Variants in THEM6 observed in about 807,000 individuals in gnomAD.
THEM6 encodes thioesterase superfamily member 6.
A neutral mutation model predicts 13.7 loss-of-function variants in THEM6; 10 were observed. The ratio of observed to expected loss-of-function variants is 0.73; its 90% confidence interval spans 0.45 to 1.24. The LOEUF (loss-of-function observed/expected upper bound fraction) is 1.24. Ranked by LOEUF, THEM6 falls within the 50% of genes most tolerant of loss-of-function variation. The pLI, the probability that THEM6 is intolerant of heterozygous loss-of-function variation, is 0.00. For synonymous variants in THEM6, 161 were observed against 156.0 expected, an observed-to-expected ratio of 1.03 and a Z score of -0.24; for missense variants, 317 against 312.6, an observed-to-expected ratio of 1.01 and a Z score of -0.11.
At chr8:142,732,204 A>ATATATG (rs1382315215) in intron 1 of THEM6, among the ~76,000 whole-genome samples, 9 of 102,678 alleles carry the variant, frequency 8.8e-5, no homozygotes, top group African/African-American at 3.8e-4. Context: ...ATATATATAT[A>ATATATG]TATTTTAACT....
Position 142,736,553 on chromosome 8 carries a change from G to T in THEM6, c.*1114G>T, listed in dbSNP as rs958883891. On this transcript the variant is annotated 3_prime_UTR_variant, in exon 2 of 2. Transcript: ENST00000336138. ...CTGCCTAATGCCTCACCTTACAGCT[G>T]GGGAAACTGAGGCCTGGAATGGCCC... 2.0e-5 allele frequency: 3 copies of T among 152,280 alleles called. No homozygotes were observed. The highest frequency in any genetic ancestry group is 4.4e-5 in the Non-Finnish European group (3 of 68,102). The allele number at this position is 152,280 out of a possible 1,614,324, so 9.4% of individuals were successfully genotyped here.
At chr8:142,732,048 C>A (rs1399295720) in intron 1 of THEM6, among the ~76,000 whole-genome samples, 1 of 150,852 alleles carries the variant, frequency 6.6e-6, no homozygotes, top group South Asian at 2.1e-4. Context: ...TCTCTGCCAG[C>A]CACCTATGCT....
chr8:142,727,509 C>G lies in THEM6; in HGVS notation c.163C>G (p.Leu55Val), dbSNP rs1046306099. Residue 55 changes from leucine to valine, a missense_variant, in exon 1 of 2, where the codon CTG (leucine) becomes GTG (valine). Transcript: ENST00000336138. ...TGAGCAGCGCTTCCCGGGCCGCGTG[C>G]TGCCCTCGGACTTGGACCTGCTGCT... ...LAEQRFPGRVLPSDLDLLLHM... is the reference protein window; with the variant it reads ...LAEQRFPGRVVPSDLDLLLHM... 1.6e-5 allele frequency: 25 copies of G among 1,579,208 alleles called. No homozygotes were observed. Among genetic ancestry groups the G allele is most frequent in the Non-Finnish European group, 2.0e-5 (23 of 1,170,930 alleles).
intron 1 of THEM6, among the ~76,000 whole-genome samples, chr8:142,733,489 C>T (rs962571099): frequency 2.0e-5 from 3 of 152,312 alleles, no homozygotes; most frequent in South Asian, 2.1e-4. Context: ...TCTAGAGGCT[C>T]GGAATGCCTC....
chr8:142,728,087 T>C (rs1815554061), intron 1 of THEM6, among the ~76,000 whole-genome samples: 1 of 152,174 alleles, frequency 6.6e-6, no homozygotes, highest in Non-Finnish European at 1.5e-5. Flanking sequence ...CAACTCTTCA[T>C]AGTCGGGCTT....
rs1486588675 is a variant in THEM6, at chr8:142,727,598, C to T, written c.252C>T (p.Arg84=). 1 of 1,514,024 alleles carries T rather than the reference C, an allele frequency of 6.6e-7. No homozygotes were observed. 93.8% of individuals were successfully genotyped at this position (1,514,024 alleles called of 1,614,324 possible). A position where few individuals can be genotyped will look rare whatever the true frequency, so the allele number is the denominator to read the frequency against. The change falls in exon 1 of 2, where the codon CGC becomes CGT. Residue 84 remains arginine, a synonymous_variant. Transcript: ENST00000336138. ...TTGCGCGCGTCGCGCACCTGACCCG[C>T]TGCGGGGTGCTCGGGGCGCTGAGGG... ...ADFARVAHLT[R]CGVLGALREL... is the part of the protein sequence containing the mutation.
chr8:142,731,078 C>A (rs1490551809), intron 1 of THEM6, among the ~76,000 whole-genome samples: 1 of 152,174 alleles, frequency 6.6e-6, no homozygotes, highest in Admixed American at 6.5e-5. Context: ...ATTATTTATT[C>A]AATTTTAATG....
chr8:142,735,471 C>T lies in THEM6; in HGVS notation c.*32C>T, dbSNP rs1815739126. 3 of 1,473,906 alleles carry T rather than the reference C, an allele frequency of 2.0e-6. No individual in the cohort carries two copies. Among genetic ancestry groups the T allele is most frequent in the African/African-American group, 2.8e-5 (2 of 71,668 alleles). 91.3% of individuals were successfully genotyped at this position (1,473,906 alleles called of 1,614,324 possible). A position where few individuals can be genotyped will look rare whatever the true frequency, so the allele number is the denominator to read the frequency against. ...CCTTCACACCGTCTGCCCTGGCCAC[C>T]ATCCTGGGCCTGGGGGCTGCCCACA... On this transcript the variant is annotated 3_prime_UTR_variant, in exon 2 of 2. Coordinates refer to ENST00000336138, the MANE Select transcript of THEM6 (RefSeq NM_016647.3).
chr8:142,730,961 A>G (rs1454009560), intron 1 of THEM6, among the ~76,000 whole-genome samples: 2 of 152,056 alleles, frequency 1.3e-5, no homozygotes, highest in Non-Finnish European at 1.5e-5. Flanking sequence ...TAGCCAGGAT[A>G]GTCTCGATCT....
intron 1 of THEM6, 51 bp from the exon 2 acceptor site, chr8:142,735,275 G>C (rs1472067259): frequency 3.6e-6 from 5 of 1,376,586 alleles, no homozygotes; most frequent in Non-Finnish European, 5.0e-6. Context: ...CAGCGGCCCA[G>C]AGGTGGGAAG....
chr8:142,727,490 G>A lies in THEM6; in HGVS notation c.144G>A (p.Gln48=), dbSNP rs782650308. Reference sequence around the variant, plus strand: ...GCGTCCGTGACCTGCTAGCTGAGCAGCGCTTCCCGGGCCGCGTGCTGCCCT... The same window carrying A: ...GCGTCCGTGACCTGCTAGCTGAGCAACGCTTCCCGGGCCGCGTGCTGCCCT... ...QPRVRDLLAE[Q]RFPGRVLPSD... Residue 48 remains glutamine (Q), a synonymous_variant, in exon 1 of 2, where the codon CAG becomes CAA. Coordinates refer to ENST00000336138, the MANE Select transcript of THEM6 (RefSeq NM_016647.3). 18 of 1,577,236 alleles carry A rather than the reference G, an allele frequency of 1.1e-5. No individual in the cohort carries two copies. The African/African-American group carries it at 2.2e-4, about 19-fold the overall frequency.
intron 1 of THEM6, among the ~76,000 whole-genome samples, chr8:142,729,753 G>T (rs75188724): frequency 0.016 from 2,465 of 152,336 alleles, 60 homozygotes; most frequent in African/African-American, 0.057. Flanking sequence ...CTGACAGTTC[G>T]AAAGGGTAGT....
Position 142,727,237 on chromosome 8 carries a change from G to T in THEM6, c.-110G>T, listed in dbSNP as rs897709088. 62 of 1,161,296 alleles carry T rather than the reference G, an allele frequency of 5.3e-5. No homozygotes were observed. In the Middle Eastern group the frequency reaches 9.2e-4, roughly 17 times the overall value. The allele number at this position is 1,161,296 out of a possible 1,614,324, so 71.9% of individuals were successfully genotyped here. A position where few individuals can be genotyped will look rare whatever the true frequency, so the allele number is the denominator to read the frequency against. Reference sequence around the variant, plus strand: ...CCTCGCGCTGTGGTTCGCTCCGGGCGCGCTGCGCTCGTGAGTTCCCAGGAG... The same window carrying T: ...CCTCGCGCTGTGGTTCGCTCCGGGCTCGCTGCGCTCGTGAGTTCCCAGGAG... On this transcript the variant is annotated 5_prime_UTR_variant, in exon 1 of 2. Coordinates refer to ENST00000336138, the MANE Select transcript of THEM6 (RefSeq NM_016647.3).
At position 142,727,251 on chromosome 8, in the gene THEM6, A is replaced by C. The variant is rs1288184676; in HGVS notation, c.-96A>C. 3 of 1,257,504 alleles carry C rather than the reference A, an allele frequency of 2.4e-6. No individual in the cohort carries two copies. In the Admixed American group the frequency reaches 1.2e-4, roughly 51 times the overall value. The allele number at this position is 1,257,504 out of a possible 1,614,324, so 77.9% of individuals were successfully genotyped here. A position where few individuals can be genotyped will look rare whatever the true frequency, so the allele number is the denominator to read the frequency against. ...TCGCTCCGGGCGCGCTGCGCTCGTGAGTTCCCAGGAGGCCTGGCGGGCACC... is the reference window on the plus strand; with the variant it reads ...TCGCTCCGGGCGCGCTGCGCTCGTGCGTTCCCAGGAGGCCTGGCGGGCACC... On this transcript the variant is annotated 5_prime_UTR_variant, in exon 1 of 2. Coordinates refer to ENST00000336138, the MANE Select transcript of THEM6 (RefSeq NM_016647.3).
At chr8:142,731,843 C>T (rs1185608128) in intron 1 of THEM6, among the ~76,000 whole-genome samples, 4 of 152,138 alleles carry the variant, frequency 2.6e-5, no homozygotes, top group Admixed American at 6.6e-5. Flanking sequence ...GTTTCTCGGG[C>T]TGGGTGGGAT....
At chr8:142,729,261 C>T (rs1297560553) in intron 1 of THEM6, among the ~76,000 whole-genome samples, 2 of 152,038 alleles carry the variant, frequency 1.3e-5, no homozygotes, top group African/African-American at 2.4e-5. Flanking sequence ...TCCCCGGTGC[C>T]GTAAAGAAAT....
rs1554642481 is a variant in THEM6 at position 142,727,586 on chromosome 8, G to A, written c.240G>A (p.Ala80=). 2.0e-6 allele frequency: 3 copies of A among 1,524,168 alleles called. No homozygotes were observed. The highest frequency in any genetic ancestry group is 2.6e-5 in the East Asian group (1 of 38,320). 94.4% of individuals were successfully genotyped at this position (1,524,168 alleles called of 1,614,324 possible). The change falls in exon 1 of 2, where the codon GCG becomes GCA. Residue 80 remains alanine (A), a synonymous_variant. Transcript: ENST00000336138. ...YLREADFARV[A]HLTRCGVLGA... Reference sequence around the variant, plus strand: ...GCGAGGCCGACTTTGCGCGCGTCGCGCACCTGACCCGCTGCGGGGTGCTCG... The same window carrying A: ...GCGAGGCCGACTTTGCGCGCGTCGCACACCTGACCCGCTGCGGGGTGCTCG...
Position 142,727,351 on chromosome 8 carries a change from T to G in THEM6, c.5T>G (p.Leu2Arg). The change falls in exon 1 of 2, where the codon CTG (leucine) becomes CGG (arginine). Residue 2 changes from leucine (L) to arginine (R), a missense_variant. Coordinates refer to ENST00000336138, the MANE Select transcript of THEM6 (RefSeq NM_016647.3). Reference sequence around the variant, plus strand: ...CCCGCGCCCGCCGCCGCCGCTATGCTGGGGCTGCTGGTGGCGTTGCTGGCC... The same window carrying G: ...CCCGCGCCCGCCGCCGCCGCTATGCGGGGGCTGCTGGTGGCGTTGCTGGCC... M[L>R]GLLVALLALG... 2 of 1,516,406 alleles carry G rather than the reference T, an allele frequency of 1.3e-6. No homozygotes were observed. The highest frequency in any genetic ancestry group is 1.8e-6 in the Non-Finnish European group (2 of 1,139,112). 93.9% of individuals were successfully genotyped at this position (1,516,406 alleles called of 1,614,324 possible).
At chr8:142,730,994 C>T (rs587660159) in intron 1 of THEM6, among the ~76,000 whole-genome samples, 133 of 152,336 alleles carry the variant, frequency 8.7e-4, no homozygotes, top group African/African-American at 3.1e-3. Flanking sequence ...ATCCGCCCGC[C>T]TCAGCCTTCC....
Sources: allele counts gnomAD v4.1 joint callset (sites outside exome capture counted in the v4.1 genomes callset), GRCh38; gene constraint gnomAD v4.1.1; transcripts MANE v1.5; gene names NCBI Gene and HGNC (gene_info 2026-07-23, HGNC 2026-07-21).